The following TRAK1 variants were observed in gnomAD, a reference collection of about 807,000 sequenced individuals.
TRAK1 encodes trafficking kinesin protein 1.
TRAK1 carries 33 observed loss-of-function variants against 92.1 expected under a neutral mutation model. The ratio of observed to expected loss-of-function variants is 0.36; its 90% CI spans 0.27 to 0.48. TRAK1 has a LOEUF of 0.48. Among genes scored for constraint, TRAK1 ranks in the 20% least tolerant of loss-of-function variants. The pLI, the probability that TRAK1 is intolerant of heterozygous loss-of-function variation, is 0.99. For synonymous variants in TRAK1, 521 were observed against 517.3 expected, an observed-to-expected ratio of 1.01 and a Z score of -0.10; for missense variants, 1,123 against 1,257.9, an observed-to-expected ratio of 0.89 and a Z score of 1.62.
intron 1 of TRAK1, among the ~76,000 whole-genome samples, chr3:42,017,989 A>T (rs760654080): frequency 2.0e-5 from 3 of 150,700 alleles, no homozygotes; most frequent in Non-Finnish European, 2.9e-5. Flanking sequence ...TAACAGGTGA[A>T]GCTGGGAATA....
At chr3:42,104,147 G>C (rs531869344) in intron 1 of TRAK1, among the ~76,000 whole-genome samples, 25 of 152,316 alleles carry the variant, frequency 1.6e-4, no homozygotes, top group African/African-American at 5.8e-4. Context: ...GCTGAAGCTT[G>C]AGTAGGTAGA....
chr3:42,100,899 C>A lies in TRAK1; in HGVS notation c.91+9339C>A, dbSNP rs191928597. Among the ~76,000 whole-genome samples, 4 of 151,972 alleles carry A rather than the reference C, an allele frequency of 2.6e-5. No individual in the cohort carries two copies. The East Asian group carries it at 7.7e-4, about 29-fold the overall frequency. ...GGCCAGGCTGTCTCGAACTCCTGAC[C>A]TCAGGTGATCCACCCGCCTCAGCCT... On this transcript the variant is annotated intron_variant, in intron 1 of 15. Coordinates refer to ENST00000327628, the MANE Select transcript of TRAK1 (RefSeq NM_001042646.3).
At chr3:42,190,878 C>G (rs1431449439) in intron 6 of TRAK1, among the ~76,000 whole-genome samples, 1 of 151,982 alleles carries the variant, frequency 6.6e-6, no homozygotes, top group Non-Finnish European at 1.5e-5. Flanking sequence ...AGCAGCCCTC[C>G]CATCTCGGCC....
chr3:42,185,920 C>T (rs571639636), intron 4 of TRAK1, among the ~76,000 whole-genome samples: 29 of 150,994 alleles, frequency 1.9e-4, no homozygotes, highest in Middle Eastern at 3.5e-3. Context: ...GTCATCCGCC[C>T]GCCTCAGCCT....
intron 1 of TRAK1, among the ~76,000 whole-genome samples, chr3:42,052,325 GC>G (rs1703015890): frequency 6.6e-6 from 1 of 152,170 alleles, no homozygotes; most frequent in Admixed American, 6.5e-5. Flanking sequence ...AGAAACTCAG[GC>G]ATGGGGGCCC....
intron 13 of TRAK1, chr3:42,203,173 G>A (rs1402046417): frequency 1.0e-5 from 12 of 1,178,708 alleles, no homozygotes; most frequent in Non-Finnish European, 1.3e-5. Flanking sequence ...GTCGGGGAGA[G>A]GTTCCAAGCA....
intron 14 of TRAK1, among the ~76,000 whole-genome samples, chr3:42,215,103 C>T (rs1182805650): frequency 6.6e-6 from 1 of 152,128 alleles, no homozygotes; most frequent in African/African-American, 2.4e-5. Flanking sequence ...CAGCTTTTCC[C>T]ACGTGAACTC....
At chr3:42,094,190 G>A (rs1705553804) in intron 1 of TRAK1, among the ~76,000 whole-genome samples, 1 of 152,200 alleles carries the variant, frequency 6.6e-6, no homozygotes, top group South Asian at 2.1e-4. Flanking sequence ...GGGAGTGACT[G>A]AGAGGATTCA....
chr3:42,218,046 T>C lies in TRAK1; in HGVS notation c.1964-1448T>C, dbSNP rs956792862. On this transcript the variant is annotated intron_variant, in intron 14 of 15. Coordinates refer to ENST00000327628, the MANE Select transcript of TRAK1 (RefSeq NM_001042646.3). The stretch of plus-strand genomic sequence containing the variant: ...GTGCTGGCTGTCACGTCAGGTGCCA[T>C]GGGAGCCTGCTTTGACACACAGACC... 6 of 985,204 alleles carry C rather than the reference T, an allele frequency of 6.1e-6. No individual in the cohort carries two copies. The African/African-American group carries it at 1.0e-4, about 17-fold the overall frequency. 61.0% of individuals were successfully genotyped at this position (985,204 alleles called of 1,614,324 possible).
intron 1 of TRAK1, among the ~76,000 whole-genome samples, chr3:42,109,557 A>ATATT (rs1255896378): frequency 4.6e-5 from 7 of 152,240 alleles, no homozygotes; most frequent in Non-Finnish European, 1.0e-4. Flanking sequence ...TATAAGGAAA[A>ATATT]TGACTGATCG....
rs2149437708 is a variant in TRAK1 at position 42,193,843 on chromosome 3, A to G, written c.920A>G (p.Glu307Gly). The G allele has an allele frequency of 6.2e-7, 1 of 1,614,178 alleles. No homozygotes were observed. The highest frequency in any genetic ancestry group is 1.6e-4 in the Middle Eastern group (1 of 6,062). The change falls in exon 9 of 16, where the codon GAA becomes GGA. Residue 307 changes from glutamate to glycine, a missense_variant. This residue lies in a region of TRAK1 where 686 missense variants were observed against 747.6 expected (regional missense o/e 0.92). Coordinates refer to ENST00000327628, the MANE Select transcript of TRAK1 (RefSeq NM_001042646.3). Reference sequence around the variant, plus strand: ...CTTTAGTGCGCAGTGGAAAATGAAGAACTTGTCCAGCATCTGGGGGCTGCT... The same window carrying G: ...CTTTAGTGCGCAGTGGAAAATGAAGGACTTGTCCAGCATCTGGGGGCTGCT... ...KAKACAVENE[E>G]LVQHLGAAKD...
chr3:42,223,809 C>G lies in TRAK1; in HGVS notation c.*72C>G. On this transcript the variant is annotated 3_prime_UTR_variant, in exon 16 of 16. Transcript: ENST00000327628. The surrounding 1 kb of genome is among the most constrained non-coding windows in gnomAD (Gnocchi z 6.1). ...CTCTTGCTCCCACCTCCCTCTCTTC[C>G]CCCCACAGTGCACTCCCTCCCTCTG... 3 of 1,498,412 alleles carry G rather than the reference C, an allele frequency of 2.0e-6. No individual in the cohort carries two copies. Among genetic ancestry groups the G allele is most frequent in the Non-Finnish European group, 1.8e-6 (2 of 1,100,068 alleles). 92.8% of individuals were successfully genotyped at this position (1,498,412 alleles called of 1,614,324 possible). A position where few individuals can be genotyped will look rare whatever the true frequency, so the allele number is the denominator to read the frequency against.
At chr3:42,076,209 A>ATTAG (rs1476036221) in intron 1 of TRAK1, among the ~76,000 whole-genome samples, 1 of 116,972 alleles carries the variant, frequency 8.5e-6, no homozygotes, top group Non-Finnish European at 1.7e-5. Flanking sequence ...GATTTGGGAT[A>ATTAG]TTAGACCTTT....
At chr3:42,097,638 T>C (rs1706126167) in intron 1 of TRAK1, among the ~76,000 whole-genome samples, 1 of 152,256 alleles carries the variant, frequency 6.6e-6, no homozygotes, top group African/African-American at 2.4e-5. Flanking sequence ...TCCAAAATTC[T>C]AATTACTATT....
intron 3 of TRAK1, among the ~76,000 whole-genome samples, chr3:42,178,923 C>T (rs1228477139): frequency 6.6e-6 from 1 of 151,958 alleles, no homozygotes; most frequent in African/African-American, 2.4e-5. Flanking sequence ...TGCCGTGCAC[C>T]GAGATCATGT....
intron 11 of TRAK1, 152 bp from the exon 12 acceptor site, chr3:42,200,666 T>C (rs1001915325): frequency 1.4e-6 from 1 of 734,638 alleles, no homozygotes; most frequent in African/African-American, 1.8e-5. Flanking sequence ...GCCAATACCC[T>C]AAGAAACAGG....
intron 2 of TRAK1, among the ~76,000 whole-genome samples, chr3:42,165,668 C>T (rs1701770364): frequency 6.6e-6 from 1 of 152,176 alleles, no homozygotes; most frequent in Non-Finnish European, 1.5e-5. Context: ...TCATCGGCAG[C>T]ACTCGAGGGT....
chr3:42,164,299 T>A (rs1024081252), intron 2 of TRAK1, among the ~76,000 whole-genome samples: 1 of 152,258 alleles, frequency 6.6e-6, no homozygotes, highest in Non-Finnish European at 1.5e-5. Context: ...ATCTGTAAGA[T>A]ACAATTAGTA....
At chr3:42,088,233 C>T (rs1454246550), upstream of TRAK1, among the ~76,000 whole-genome samples, 2 of 152,134 alleles carry the variant, frequency 1.3e-5, no homozygotes, top group African/African-American at 2.4e-5. Flanking sequence ...TCTGTGTTAC[C>T]AGTTAAGCCT....
Sources: allele counts gnomAD v4.1 joint callset (sites outside exome capture counted in the v4.1 genomes callset), GRCh38; gene constraint gnomAD v4.1.1; regional missense constraint gnomAD v4.1.1; non-coding constraint Gnocchi (gnomAD v3.1); transcripts MANE v1.5; gene names NCBI Gene and HGNC (gene_info 2026-07-23, HGNC 2026-07-21).